The following PTPRM variants were observed in gnomAD, a reference collection of about 807,000 sequenced individuals.
PTPRM encodes protein tyrosine phosphatase receptor type M.
Under a neutral mutation model 186.7 loss-of-function variants are expected in PTPRM, and 47 were observed. The ratio of observed to expected loss-of-function variants is 0.25; its 90% confidence interval spans 0.20 to 0.32. PTPRM has a LOEUF of 0.32. Among genes scored for constraint, PTPRM ranks in the 10% least tolerant of loss-of-function variants. The pLI is 1.00. For synonymous variants in PTPRM, 668 were observed against 674.9 expected, an observed-to-expected ratio of 0.99 and a Z score of 0.16; for missense variants, 1,494 against 1,865.0, an observed-to-expected ratio of 0.80 and a Z score of 3.66.
chr18:7,857,272 G>A (rs759580768), intron 2 of PTPRM, among the ~76,000 whole-genome samples: 2 of 152,124 alleles, frequency 1.3e-5, no homozygotes, highest in Non-Finnish European at 1.5e-5. Context: ...AGCTTTATCT[G>A]ATAAGCAACT....
At chr18:7,999,020 A>T (rs1281719841) in intron 7 of PTPRM, among the ~76,000 whole-genome samples, 2 of 152,172 alleles carry the variant, frequency 1.3e-5, no homozygotes, top group East Asian at 3.9e-4. Context: ...TATAATTTGT[A>T]TTCATTCCTT....
intron 19 of PTPRM, among the ~76,000 whole-genome samples, chr18:8,254,900 T>C (rs1444271699): frequency 2.0e-5 from 3 of 152,232 alleles, no homozygotes; most frequent in Non-Finnish European, 2.9e-5. Context: ...GTATTGCCAA[T>C]GACCTCAGTT....
At chr18:8,011,534 G>T (rs2084528268) in intron 7 of PTPRM, among the ~76,000 whole-genome samples, 1 of 152,146 alleles carries the variant, frequency 6.6e-6, no homozygotes, top group Admixed American at 6.5e-5. Context: ...CTTATTCATT[G>T]CTCTGAGTCA....
intron 2 of PTPRM, among the ~76,000 whole-genome samples, chr18:7,857,736 C>T (rs1251160631): frequency 2.0e-5 from 3 of 152,142 alleles, no homozygotes; most frequent in Non-Finnish European, 2.9e-5. Flanking sequence ...TGTTATTTGG[C>T]TTGTTTGTGG....
chr18:8,060,249 GT>G (rs200163751), intron 7 of PTPRM, among the ~76,000 whole-genome samples: 1,590 of 91,820 alleles, frequency 0.017, no homozygotes, highest in East Asian at 0.048. Context: ...GCATAGAGGT[GT>G]TTGTAGTATT....
At chr18:7,663,622 C>T (rs1484182127) in intron 1 of PTPRM, among the ~76,000 whole-genome samples, 5 of 152,140 alleles carry the variant, frequency 3.3e-5, no homozygotes, top group Admixed American at 6.5e-5. Context: ...GGGTGTCAGC[C>T]GAATGCTGGA....
intron 5 of PTPRM, among the ~76,000 whole-genome samples, chr18:7,933,143 T>C (rs573216421): frequency 2.6e-5 from 4 of 152,308 alleles, no homozygotes; most frequent in African/African-American, 9.6e-5. Flanking sequence ...ATCACAGTGC[T>C]TATGTTTAAG....
chr18:7,766,765 C>A (rs2042033987), intron 1 of PTPRM, among the ~76,000 whole-genome samples: 1 of 152,172 alleles, frequency 6.6e-6, no homozygotes, highest in South Asian at 2.1e-4. Flanking sequence ...CCTTCTTGCC[C>A]ACTAGTACAG....
chr18:8,087,421 T>G (rs1207473593), intron 10 of PTPRM, among the ~76,000 whole-genome samples: 2 of 152,128 alleles, frequency 1.3e-5, no homozygotes, highest in African/African-American at 4.8e-5. Context: ...TTACTCACAG[T>G]TCAGCATGGC....
At chr18:8,088,896 A>C (rs370151744) in intron 11 of PTPRM, 45 bp downstream of exon 11, 13 of 1,406,014 alleles carry the variant, frequency 9.2e-6, no homozygotes, top group Non-Finnish European at 1.2e-5. Flanking sequence ...AAGAAAACTA[A>C]ATCAAGTTGA....
chr18:7,712,716 G>A (rs1299315814), intron 1 of PTPRM, among the ~76,000 whole-genome samples: 1 of 151,902 alleles, frequency 6.6e-6, no homozygotes, highest in Non-Finnish European at 1.5e-5. Flanking sequence ...AGAACTTCGT[G>A]AAGCATACAC....
At chr18:7,982,029 C>T (rs544841747) in intron 7 of PTPRM, among the ~76,000 whole-genome samples, 50 of 152,286 alleles carry the variant, frequency 3.3e-4, no homozygotes, top group Non-Finnish European at 4.6e-4. Context: ...CATTACTGTA[C>T]ACCACTGTAG....
At chr18:8,344,448 G>GTGTGTGTGTGTGTATATATATATA (rs1360655194) in intron 23 of PTPRM, among the ~76,000 whole-genome samples, 3 of 33,420 alleles carry the variant, frequency 9.0e-5, no homozygotes, top group Middle Eastern at 0.038. Flanking sequence ...GTGTGTGTGT[G>GTGTGTGTGTGTGTATATATATATA]TATATATATA....
chr18:8,108,752 A>G (rs1031435325), intron 11 of PTPRM, among the ~76,000 whole-genome samples: 1 of 152,216 alleles, frequency 6.6e-6, no homozygotes, highest in African/African-American at 2.4e-5. Context: ...TTTAAATTAA[A>G]TTTCCTTCCA....
At chr18:8,060,196 G>T (rs1356296767) in intron 7 of PTPRM, among the ~76,000 whole-genome samples, 5 of 78,684 alleles carry the variant, frequency 6.4e-5, no homozygotes, top group Admixed American at 4.4e-4. Context: ...GAGTGTATGT[G>T]TCAAGGAATG....
chr18:7,817,546 T>A (rs972875730), intron 2 of PTPRM, among the ~76,000 whole-genome samples: 3 of 152,224 alleles, frequency 2.0e-5, no homozygotes, highest in Non-Finnish European at 4.4e-5. Context: ...AATGTGTTTT[T>A]TATAATTACA....
chr18:7,716,050 C>T (rs997895414), intron 1 of PTPRM, among the ~76,000 whole-genome samples: 2 of 152,168 alleles, frequency 1.3e-5, no homozygotes, highest in Non-Finnish European at 2.9e-5. Flanking sequence ...TCCATATAGT[C>T]AAGACAATCT....
chr18:8,244,789 G>T (rs1301156624), intron 15 of PTPRM, among the ~76,000 whole-genome samples: 1 of 152,052 alleles, frequency 6.6e-6, no homozygotes, highest in Non-Finnish European at 1.5e-5. Context: ...ATTATTTTAG[G>T]AAACTAACAA....
chr18:8,161,838 T>C (rs956266526), intron 14 of PTPRM, among the ~76,000 whole-genome samples: 4 of 152,142 alleles, frequency 2.6e-5, no homozygotes, highest in African/African-American at 9.7e-5. Flanking sequence ...TACTTCGTGA[T>C]AACTGGTTCT....
Sources: gnomAD v4.1 joint callset for allele counts (sites outside exome capture counted in the v4.1 genomes callset) on GRCh38, gnomAD v4.1.1 for gene constraint, MANE v1.5 for transcripts, NCBI Gene and HGNC (gene_info 2026-07-23, HGNC 2026-07-21) for gene names.